The following ASPH variants were observed in gnomAD, a reference collection of about 807,000 sequenced individuals.
ASPH encodes the protein aspartate beta-hydroxylase.
A neutral mutation model predicts 118.4 loss-of-function variants in ASPH; 100 were observed. The ratio of observed to expected loss-of-function variants is 0.84; its 90% CI spans 0.72 to 1.00. The LOEUF is 1.00. ASPH is among the 50% of genes least tolerant of loss of function. The probability of loss-of-function intolerance (pLI) is 0.00; values close to 1 mark genes in which losing one functional copy is unlikely to be tolerated. For missense variants in ASPH, 920 were observed against 919.5 expected (o/e 1.00, Z -0.01); for synonymous variants, 315 against 325.6 (o/e 0.97, Z 0.35).
chr8:61,709,205 A>G (rs757723399), intron 1 of ASPH, among the ~76,000 whole-genome samples: 93 of 152,308 alleles, frequency 6.1e-4, no homozygotes, highest in Non-Finnish European at 1.1e-3. Flanking sequence ...ACATCCCTGA[A>G]AAACAAAGAT....
intron 3 of ASPH, chr8:61,675,895 G>A (rs1466401884): frequency 1.6e-5 from 23 of 1,400,444 alleles, no homozygotes; most frequent in Admixed American, 3.0e-5. Context: ...GAAGTTGGGG[G>A]AGCTGAGCGA....
chr8:61,525,412 T>C (rs1037431140), intron 22 of ASPH, among the ~76,000 whole-genome samples: 9 of 151,512 alleles, frequency 5.9e-5, no homozygotes, highest in Non-Finnish European at 1.2e-4. Flanking sequence ...TGTACCTGGG[T>C]TAAGCTAAAA....
At chr8:61,661,082 ATTCT>A (rs1816655515) in intron 3 of ASPH, 1 of 152,174 alleles carries the variant, frequency 6.6e-6, no homozygotes, top group African/African-American at 2.4e-5. Context: ...AAAATTAAGC[ATTCT>A]TACGGCTTCA....
intron 24 of ASPH, chr8:61,517,227 A>G: frequency 3.1e-6 from 1 of 319,820 alleles, no homozygotes; most frequent in East Asian, 5.4e-5. Context: ...GGCTCAATGC[A>G]TGTTGGCTGA....
chr8:61,534,645 G>C (rs1818815539), intron 21 of ASPH, among the ~76,000 whole-genome samples: 1 of 152,196 alleles, frequency 6.6e-6, no homozygotes, highest in South Asian at 2.1e-4. Flanking sequence ...GATGATACAA[G>C]TGATACTTGA....
At chr8:61,660,110 T>C (rs1232365641) in intron 3 of ASPH, 2 of 152,114 alleles carry the variant, frequency 1.3e-5, no homozygotes, top group Non-Finnish European at 2.9e-5. Flanking sequence ...GTAATGAGCA[T>C]AGTATCCAAT....
chr8:61,607,579 G>T (rs1358101662), intron 14 of ASPH, among the ~76,000 whole-genome samples: 1 of 151,658 alleles, frequency 6.6e-6, no homozygotes, highest in African/African-American at 2.4e-5. Context: ...GTACTGTTAT[G>T]CCCTCAGTAA....
chr8:61,710,931 T>C (rs1837918368), intron 1 of ASPH, among the ~76,000 whole-genome samples: 1 of 152,206 alleles, frequency 6.6e-6, no homozygotes, highest in African/African-American at 2.4e-5. Context: ...TGTTAATGTT[T>C]TACAGGCAGT....
chr8:61,635,459 A>G (rs764271975), intron 12 of ASPH, among the ~76,000 whole-genome samples: 2 of 151,276 alleles, frequency 1.3e-5, no homozygotes, highest in African/African-American at 2.4e-5. Context: ...GGCATATTCA[A>G]CCCCCCACTT....
intron 14 of ASPH, chr8:61,607,156 C>T: frequency 1.6e-6 from 1 of 635,086 alleles, no homozygotes; most frequent in Non-Finnish European, 2.8e-6. Context: ...CAAAAGGAGC[C>T]TATATATTTG....
In ASPH at chr8:61,681,055, G is replaced by T. The variant is rs774227267; in HGVS notation, c.254-19C>A. The stretch of plus-strand genomic sequence containing the variant: ...AGTTTTCCTATAATAGGGCAGAAAT[G>T]ATGGATATGGGAATAAAAAAGAAAA... On this transcript the variant is annotated intron_variant, in intron 2 of 24. Transcript: ENST00000379454. 9.0e-6 allele frequency: 14 copies of T among 1,557,942 alleles called. No homozygotes were observed. Among genetic ancestry groups the T allele is most frequent in the Non-Finnish European group, 1.2e-5 (14 of 1,148,992 alleles).
chr8:61,638,343 T>C lies in ASPH; in HGVS notation c.811A>G (p.Asn271Asp). ...TTACCTGTGATTTCTATCCCTTCAT[T>C]TTCTAGAGGTTCATATACTGCTAAA... ...EEQAVYEPLE[N>D]EGIEITEVTA... is the part of the protein sequence containing the mutation. Residue 271 changes from asparagine (N) to aspartate (D), a missense_variant, in exon 11 of 25, where the codon AAT (asparagine) becomes GAT (aspartate). Physicochemically the swap from Asn to Asp is conservative, Grantham distance 23 (BLOSUM62 1). Transcript: ENST00000379454. 1 of 1,597,130 alleles carries C rather than the reference T, an allele frequency of 6.3e-7. No individual in the cohort carries two copies. Among genetic ancestry groups the C allele is most frequent in the Non-Finnish European group, 8.5e-7 (1 of 1,174,916 alleles).
intron 3 of ASPH, chr8:61,656,408 T>C (rs1056964042): frequency 2.0e-5 from 3 of 152,296 alleles, no homozygotes; most frequent in African/African-American, 4.8e-5. Flanking sequence ...GACAAGGCGA[T>C]GTCCAGAAGC....
At chr8:61,620,140 ACT>A (rs1850405745) in intron 13 of ASPH, among the ~76,000 whole-genome samples, 2 of 152,156 alleles carry the variant, frequency 1.3e-5, no homozygotes, top group South Asian at 4.1e-4. Flanking sequence ...CTCCTTTGAG[ACT>A]CTACATAAGA....
intron 3 of ASPH, among the ~76,000 whole-genome samples, chr8:61,672,043 G>A (rs976724166): frequency 3.9e-5 from 6 of 152,098 alleles, no homozygotes; most frequent in East Asian, 3.8e-4. Flanking sequence ...ATCTTCCTCC[G>A]TCCCATACTG....
At chr8:61,631,374 G>C (rs1272060067) in intron 13 of ASPH, among the ~76,000 whole-genome samples, 1 of 151,988 alleles carries the variant, frequency 6.6e-6, no homozygotes, top group African/African-American at 2.4e-5. Context: ...CCCTATACAG[G>C]TATATCTTTT....
intron 18 of ASPH, among the ~76,000 whole-genome samples, chr8:61,558,567 T>A (rs767874995): frequency 2.7e-4 from 41 of 152,128 alleles, no homozygotes; most frequent in Non-Finnish European, 5.7e-4. Flanking sequence ...GTGGCTCTAC[T>A]GTGATCTGCA....
intron 14 of ASPH, among the ~76,000 whole-genome samples, chr8:61,612,292 GAAGA>G (rs549900949): frequency 1.3e-5 from 2 of 150,632 alleles, no homozygotes; most frequent in African/African-American, 2.4e-5. Context: ...TGAAATGGCA[GAAGA>G]AAGAATCACT....
At chr8:61,704,926 T>C (rs754144679) in intron 1 of ASPH, among the ~76,000 whole-genome samples, 2 of 152,186 alleles carry the variant, frequency 1.3e-5, no homozygotes, top group African/African-American at 4.8e-5. Flanking sequence ...AGTTTCTTAA[T>C]AAAACTAAAC....
Sources: allele counts gnomAD v4.1 joint callset (sites outside exome capture counted in the v4.1 genomes callset), GRCh38; gene constraint gnomAD v4.1.1; transcripts MANE v1.5; gene names NCBI Gene and HGNC (gene_info 2026-07-23, HGNC 2026-07-21).